The following CELF4 variants were observed in gnomAD, a reference collection of about 807,000 sequenced individuals.
CELF4 encodes CUGBP Elav-like family member 4.
A neutral mutation model predicts 59.9 loss-of-function variants in CELF4; 18 were observed. The ratio of observed to expected loss-of-function variants is 0.30; its 90% CI spans 0.21 to 0.45. CELF4 has a LOEUF of 0.45. Among genes scored for constraint, CELF4 ranks in the 20% least tolerant of loss-of-function variants. The pLI is 1.00. For missense variants in CELF4, 456 were observed against 689.0 expected, an observed-to-expected ratio of 0.66 and a Z score of 3.79; for synonymous variants, 261 against 267.1, an observed-to-expected ratio of 0.98 and a Z score of 0.22.
intron 2 of CELF4, among the ~76,000 whole-genome samples, chr18:37,400,506 TAGAAAC>T (rs2099313712): frequency 6.6e-6 from 1 of 152,188 alleles, no homozygotes; most frequent in South Asian, 2.1e-4. Context: ...AAATACTACT[TAGAAAC>T]AGATCAGAGG....
intron 3 of CELF4, among the ~76,000 whole-genome samples, chr18:37,284,015 T>TACAC (rs2094478246): frequency 1.0e-3 from 1 of 976 alleles, no homozygotes. Context: ...CCACTCAACA[T>TACAC]GCACACACAC....
At chr18:37,275,531 G>A (rs2093021459) in intron 3 of CELF4, 3 of 434,220 alleles carry the variant, frequency 6.9e-6, no homozygotes, top group Middle Eastern at 6.9e-4. Context: ...GCCTCCTCCC[G>A]CCTGCAGGGC....
intron 1 of CELF4, among the ~76,000 whole-genome samples, chr18:37,534,533 T>C (rs1212673503): frequency 6.6e-6 from 1 of 152,150 alleles, no homozygotes. Context: ...GACTTTCACT[T>C]ACAGAAACTG....
At chr18:37,297,541 C>A (rs1435028732) in intron 3 of CELF4, among the ~76,000 whole-genome samples, 1 of 152,188 alleles carries the variant, frequency 6.6e-6, no homozygotes, top group Non-Finnish European at 1.5e-5. Context: ...CTTTCTAGGT[C>A]TATTTTTTGT....
In CELF4 at chr18:37,353,220, C is replaced by CAAAAAA. The variant is rs768540669; in HGVS notation, c.370-31345_370-31340dup. Among the ~76,000 whole-genome samples, 25 of 96,708 alleles carry CAAAAAA rather than the reference C, an allele frequency of 2.6e-4. 2 individuals are homozygous for CAAAAAA. Among genetic ancestry groups the CAAAAAA allele is most frequent in the South Asian group, 3.8e-4 (1 of 2,630 alleles). The allele number at this position is 96,708 out of a possible 152,430, so 63.4% of individuals were successfully genotyped here. A position where few individuals can be genotyped will look rare whatever the true frequency, so the allele number is the denominator to read the frequency against. ...TGGGCAACAGAGTGAGACTCCGTCT[C>CAAAAAA]AAAAAAAAAAAAAATATATATATAT... On this transcript the variant is annotated intron_variant, in intron 2 of 12. Transcript: ENST00000420428.
intron 2 of CELF4, among the ~76,000 whole-genome samples, chr18:37,432,980 C>A (rs1446804924): frequency 1.3e-5 from 2 of 152,202 alleles, no homozygotes; most frequent in Admixed American, 1.3e-4. Flanking sequence ...CTGTCCCAAT[C>A]CACGGTATGC....
intron 7 of CELF4, among the ~76,000 whole-genome samples, chr18:37,271,177 T>A (rs1282787071): frequency 6.6e-6 from 1 of 151,856 alleles, no homozygotes; most frequent in Non-Finnish European, 1.5e-5. Context: ...TCTCTGACCC[T>A]GATGGCTTGT....
chr18:37,274,566 G>A (rs1333300708), intron 5 of CELF4, 112 bp from the exon 6 acceptor site: 7 of 1,584,736 alleles, frequency 4.4e-6, no homozygotes, highest in Non-Finnish European at 6.0e-6. Flanking sequence ...TTTGGAGGAG[G>A]CGGCATCGGC....
chr18:37,410,097 G>A (rs568499011), intron 2 of CELF4, among the ~76,000 whole-genome samples: 51 of 152,308 alleles, frequency 3.3e-4, no homozygotes, highest in African/African-American at 1.2e-3. Flanking sequence ...TCCCCGTGCC[G>A]ATGTGTGTGA....
At chr18:37,428,291 AT>A (rs746019711) in intron 2 of CELF4, among the ~76,000 whole-genome samples, 1 of 152,040 alleles carries the variant, frequency 6.6e-6, no homozygotes, top group Non-Finnish European at 1.5e-5. Context: ...TCAGGAATGC[AT>A]GGAGAGGTGA....
intron 2 of CELF4, among the ~76,000 whole-genome samples, chr18:37,333,227 AG>A (rs1399970251): frequency 6.6e-6 from 1 of 151,720 alleles, no homozygotes; most frequent in Admixed American, 6.6e-5. Context: ...TGGGGTGTGG[AG>A]GGGATTAAAC....
At chr18:37,365,318 C>T (rs2098761655) in intron 2 of CELF4, among the ~76,000 whole-genome samples, 2 of 152,016 alleles carry the variant, frequency 1.3e-5, no homozygotes, top group Non-Finnish European at 2.9e-5. Flanking sequence ...TCTGAATACC[C>T]TTCTACCAAG....
At chr18:37,259,596 C>T (rs754679197) in intron 10 of CELF4, among the ~76,000 whole-genome samples, 3 of 152,062 alleles carry the variant, frequency 2.0e-5, no homozygotes, top group Non-Finnish European at 4.4e-5. Context: ...CTCTGGAAAC[C>T]AGGTGCTGAA....
intron 1 of CELF4, among the ~76,000 whole-genome samples, chr18:37,514,054 T>C (rs1166373460): frequency 2.0e-5 from 3 of 151,834 alleles, no homozygotes; most frequent in African/African-American, 7.3e-5. Context: ...CAAACGCAGA[T>C]GCTCAGGGCA....
chr18:37,364,716 G>T (rs2154561720), intron 2 of CELF4, among the ~76,000 whole-genome samples: 1 of 152,234 alleles, frequency 6.6e-6, no homozygotes, highest in African/African-American at 2.4e-5. Context: ...GAAACAGACT[G>T]CTTATAAGTA....
intron 2 of CELF4, among the ~76,000 whole-genome samples, chr18:37,471,534 C>A (rs1340481258): frequency 6.6e-6 from 1 of 152,118 alleles, no homozygotes; most frequent in Non-Finnish European, 1.5e-5. Flanking sequence ...ACTGGAGTGA[C>A]ATCTGGAGCC....
rs539854794 is a variant in CELF4, at chr18:37,495,594, C to T, written c.287-9987G>A. Among the ~76,000 whole-genome samples, 200 of 152,198 alleles carry T rather than the reference C, an allele frequency of 1.3e-3. 1 individual carries two copies. Among genetic ancestry groups the T allele is most frequent in the African/African-American group, 4.4e-3 (182 of 41,536 alleles). Reference sequence around the variant, plus strand: ...GTGTGTGTGTCTTATACCTGCACAGCGAGCTCAGCAAATACTTGCCGAGTG... The same window carrying T: ...GTGTGTGTGTCTTATACCTGCACAGTGAGCTCAGCAAATACTTGCCGAGTG... On this transcript the variant is annotated intron_variant, in intron 1 of 12. Coordinates refer to ENST00000420428, the MANE Select transcript of CELF4 (RefSeq NM_020180.4).
intron 2 of CELF4, among the ~76,000 whole-genome samples, chr18:37,404,082 G>A (rs920143986): frequency 3.3e-5 from 5 of 152,180 alleles, no homozygotes; most frequent in Non-Finnish European, 7.3e-5. Flanking sequence ...TCTGGGGCCC[G>A]GCCAGGCCTT....
intron 2 of CELF4, among the ~76,000 whole-genome samples, chr18:37,439,852 A>G (rs1218710398): frequency 6.6e-6 from 1 of 152,196 alleles, no homozygotes; most frequent in Non-Finnish European, 1.5e-5. Flanking sequence ...ATTTGTCCCC[A>G]AGACATTTAT....
Sources: gnomAD v4.1 joint callset for allele counts (sites outside exome capture counted in the v4.1 genomes callset) on GRCh38, gnomAD v4.1.1 for gene constraint, MANE v1.5 for transcripts, NCBI Gene and HGNC (gene_info 2026-07-23, HGNC 2026-07-21) for gene names.